The following SLC29A3 variants were observed in gnomAD, a reference collection of about 807,000 sequenced individuals.
SLC29A3 encodes the protein equilibrative nucleoside transporter 3.
In SLC29A3, 18 loss-of-function variants were observed where a neutral mutation model predicts 25.4. The observed-to-expected ratio is 0.71, with a 90% CI of 0.49 to 1.05. SLC29A3 has a LOEUF of 1.05. Among genes scored for constraint, SLC29A3 ranks in the 50% least tolerant of loss-of-function variants. SLC29A3 has a pLI of 0.00. For synonymous variants in SLC29A3, 258 were observed against 267.1 expected, an observed-to-expected ratio of 0.97 and a Z score of 0.33; for missense variants, 586 against 609.0, an observed-to-expected ratio of 0.96 and a Z score of 0.40.
At chr10:71,336,996 G>C (rs1199623217) in intron 2 of SLC29A3, among the ~76,000 whole-genome samples, 2 of 152,162 alleles carry the variant, frequency 1.3e-5, no homozygotes, top group African/African-American at 2.4e-5. Flanking sequence ...TCTTCCTTAG[G>C]GTGGCCACAG....
rs759514207 is a variant in SLC29A3 at position 71,362,196 on chromosome 10, C to T, written c.1016C>T (p.Ser339Leu). 1.9e-6 allele frequency: 3 copies of T among 1,614,158 alleles called. No homozygotes were observed. Among genetic ancestry groups the T allele is most frequent in the South Asian group, 1.1e-5 (1 of 91,084 alleles). ...NIESLNKGSG[S>L]LWTTKFFIPL... is the part of the protein sequence containing the mutation. The stretch of plus-strand genomic sequence containing the variant: ...GAGTCCCTCAACAAGGGTTCGGGCT[C>T]ACTGTGGACCACCAAGTTTTTCATC... Residue 339 changes from serine (S) to leucine (L), a missense_variant, in exon 6 of 6, where the codon TCA becomes TTA. Physicochemically the swap from Ser to Leu is moderately radical, Grantham distance 145. Coordinates refer to ENST00000373189, the MANE Select transcript of SLC29A3 (RefSeq NM_018344.6).
chr10:71,356,328 G>T (rs76197576), intron 5 of SLC29A3, 85 bp downstream of exon 5: 1 of 1,528,340 alleles, frequency 6.5e-7, no homozygotes, highest in Non-Finnish European at 8.9e-7. Flanking sequence ...TTCTATGCTG[G>T]CTTCTTTGTC....
At chr10:71,353,703 C>T in intron 4 of SLC29A3, among the ~76,000 whole-genome samples, 1 of 152,204 alleles carries the variant, frequency 6.6e-6, no homozygotes, top group East Asian at 1.9e-4. Context: ...CACAAGACCA[C>T]CTCGCCAGCC....
intron 1 of SLC29A3, among the ~76,000 whole-genome samples, chr10:71,321,581 C>T (rs747417686): frequency 4.6e-5 from 7 of 152,218 alleles, no homozygotes; most frequent in Non-Finnish European, 5.9e-5. Flanking sequence ...GCCAGCCATG[C>T]GACAGGCCCA....
chr10:71,344,145 C>T (rs1319227623), intron 2 of SLC29A3, 64 bp from the exon 3 acceptor site: 27 of 1,289,452 alleles, frequency 2.1e-5, no homozygotes, highest in Admixed American at 8.4e-5. Flanking sequence ...TGTCTCTGCT[C>T]GCGTGGAACT....
intron 2 of SLC29A3, among the ~76,000 whole-genome samples, chr10:71,334,168 A>T (rs1206270052): frequency 2.6e-5 from 4 of 152,216 alleles, no homozygotes; most frequent in Non-Finnish European, 5.9e-5. Flanking sequence ...GAGACCGTAG[A>T]TTGGGACCCA....
chr10:71,379,460 C>T (rs1426167106), intron 4 of SLC29A3, among the ~76,000 whole-genome samples: 4 of 152,240 alleles, frequency 2.6e-5, no homozygotes, highest in Non-Finnish European at 5.9e-5. Context: ...ATCCCCTCTG[C>T]TTTATTCCTT....
At chr10:71,333,131 A>C (rs1313056509) in intron 2 of SLC29A3, among the ~76,000 whole-genome samples, 2 of 152,220 alleles carry the variant, frequency 1.3e-5, no homozygotes, top group African/African-American at 4.8e-5. Flanking sequence ...AGAGAGCGGA[A>C]CCTAAATTAG....
intron 2 of SLC29A3, among the ~76,000 whole-genome samples, chr10:71,326,972 C>A (rs556384135): frequency 7.2e-5 from 11 of 152,322 alleles, no homozygotes; most frequent in Admixed American, 2.0e-4. Context: ...ACCTCCCCAG[C>A]TCTTTCCTCC....
At chr10:71,373,911 A>G (rs1847230899) in intron 3 of SLC29A3, among the ~76,000 whole-genome samples, 1 of 152,212 alleles carries the variant, frequency 6.6e-6, no homozygotes, top group African/African-American at 2.4e-5. Context: ...AGGTTGGGAT[A>G]TCTACATTCG....
intron 4 of SLC29A3, among the ~76,000 whole-genome samples, chr10:71,355,745 G>T (rs904196382): frequency 6.6e-6 from 1 of 152,196 alleles, no homozygotes; most frequent in Admixed American, 6.5e-5. Flanking sequence ...CACTAGAAGG[G>T]CAATAAAGAG....
At chr10:71,363,818 T>G (rs1480195558), downstream of SLC29A3, among the ~76,000 whole-genome samples, 1 of 136,306 alleles carries the variant, frequency 7.3e-6, no homozygotes, top group African/African-American at 2.7e-5. Flanking sequence ...CTTTTCTTTT[T>G]TTTTTTTTTG....
rs138389471 is a variant in SLC29A3 at position 71,323,023 on chromosome 10, C to T, written c.269C>T (p.Thr90Ile). The change falls in exon 2 of 6, where the codon ACC becomes ATC. Residue 90 changes from threonine to isoleucine, a missense_variant. Physicochemically the swap from Thr to Ile is moderately conservative, Grantham distance 89. Transcript: ENST00000373189. ...CTCCGCAACTCCTCCAGCCCAGCCA[C>T]CGGGGAGGACCCTGAGGGCTCAGAC... ...FKLRNSSSPA[T>I]GEDPEGSDIL... The T allele has an allele frequency of 9.3e-5, 150 of 1,613,632 alleles. No homozygotes were observed. The highest frequency in any genetic ancestry group is 1.7e-4 in the Middle Eastern group (1 of 5,866).
At position 71,362,474 on chromosome 10, in the gene SLC29A3, C is replaced by T. The variant is rs1589244821; in HGVS notation, c.1294C>T (p.Leu432=). 1 of 1,614,230 alleles carries T rather than the reference C, an allele frequency of 6.2e-7. No homozygotes were observed. Among genetic ancestry groups the T allele is most frequent in the Non-Finnish European group, 8.5e-7 (1 of 1,180,052 alleles). ...LGLSNGYLST[L]ALLYGPKIVP... ...GCTCAGCAACGGCTACCTCAGCACC[C>T]TGGCCCTCCTCTACGGGCCTAAGAT... is the stretch of plus-strand genomic sequence containing the variant. The change falls in exon 6 of 6, where the codon CTG becomes TTG. Residue 432 remains leucine, a synonymous_variant. Coordinates refer to ENST00000373189, the MANE Select transcript of SLC29A3 (RefSeq NM_018344.6).
chr10:71,320,562 C>T (rs1209756369), intron 1 of SLC29A3, among the ~76,000 whole-genome samples: 1 of 152,102 alleles, frequency 6.6e-6, no homozygotes, highest in Non-Finnish European at 1.5e-5. Context: ...GTGGAAAAAG[C>T]GATTTTCCAC....
At chr10:71,363,531 A>G, downstream of SLC29A3, 1 of 340,470 alleles carries the variant, frequency 2.9e-6, no homozygotes, top group South Asian at 2.3e-5. Context: ...TGGCTCGATC[A>G]TAGCTCACTG....
At chr10:71,347,344 G>C (rs1846618681) in intron 3 of SLC29A3, among the ~76,000 whole-genome samples, 1 of 152,174 alleles carries the variant, frequency 6.6e-6, no homozygotes, top group Non-Finnish European at 1.5e-5. Flanking sequence ...GGCAACCTGG[G>C]TACTGGAGGC....
intron 3 of SLC29A3, among the ~76,000 whole-genome samples, chr10:71,350,556 G>A (rs931390067): frequency 7.9e-5 from 12 of 152,284 alleles, no homozygotes; most frequent in African/African-American, 2.9e-4. Context: ...TTCTCAGATA[G>A]AATCCTTCCC....
At position 71,362,862 on chromosome 10, in the gene SLC29A3, C is replaced by G. The variant is rs752361379; in HGVS notation, c.*254C>G. The stretch of plus-strand genomic sequence containing the variant: ...AGAAATAGCACAAATCAGGGGTACT[C>G]CCTTCACAGCTGATGGTTAACATTC... On this transcript the variant is annotated 3_prime_UTR_variant, in exon 6 of 6. Transcript: ENST00000373189. 1 of 663,564 alleles carries G rather than the reference C, an allele frequency of 1.5e-6. No individual in the cohort carries two copies. Among genetic ancestry groups the G allele is most frequent in the South Asian group, 1.5e-5 (1 of 66,348 alleles). 41.1% of individuals were successfully genotyped at this position (663,564 alleles called of 1,614,324 possible). A position where few individuals can be genotyped will look rare whatever the true frequency, so the allele number is the denominator to read the frequency against.
Sources: allele counts gnomAD v4.1 joint callset (sites outside exome capture counted in the v4.1 genomes callset), GRCh38; gene constraint gnomAD v4.1.1; transcripts MANE v1.5; gene names NCBI Gene and HGNC (gene_info 2026-07-23, HGNC 2026-07-21).